Variants in HUWE1 observed in about 807,000 individuals in gnomAD.
HUWE1 encodes the protein HECT, UBA and WWE domain containing E3 ubiquitin protein ligase 1, also known as E3 ubiquitin-protein ligase HUWE1.
In HUWE1, 18 loss-of-function variants were observed where a neutral mutation model predicts 299.4. The observed-to-expected ratio is 0.06, with a 90% CI of 0.04 to 0.09. The LOEUF is 0.09. Among genes scored for constraint, HUWE1 ranks in the 10% least tolerant of loss-of-function variants. HUWE1 has a pLI of 1.00. For synonymous variants in HUWE1, 1,317 were observed against 1,286.1 expected, an observed-to-expected ratio of 1.02 and a Z score of -0.51; for missense variants, 1,832 against 3,462.3, an observed-to-expected ratio of 0.53 and a Z score of 11.82.
chrX:53,684,330 G>A (rs2070359876), intron 2 of HUWE1, among the ~76,000 whole-genome samples: 1 of 112,429 alleles, frequency 8.9e-6, no homozygotes, highest in Admixed American at 9.4e-5. Flanking sequence ...CTAAAAAGGA[G>A]AAAGGCGGAG....
chrX:53,539,393 G>A (rs1358145617), intron 75 of HUWE1, among the ~76,000 whole-genome samples: 2 of 107,363 alleles, frequency 1.9e-5, no homozygotes, highest in Non-Finnish European at 3.8e-5. Flanking sequence ...AGTCACAGAG[G>A]AACTTCCTTG....
chrX:53,538,017 G>A (rs1388336025), intron 77 of HUWE1, among the ~76,000 whole-genome samples: 1 of 111,688 alleles, frequency 9.0e-6, no homozygotes, highest in African/African-American at 3.3e-5. Flanking sequence ...GGAAGCCCCT[G>A]GAACCCTGCT....
chrX:53,653,877 G>A (rs2068620385), intron 4 of HUWE1, among the ~76,000 whole-genome samples, 186 bp downstream of exon 4: 2 of 111,701 alleles, frequency 1.8e-5, no homozygotes. Context: ...CTGGTCTCTT[G>A]GCTATCCATT....
chrX:53,550,527 C>T, intron 66 of HUWE1, 139 bp downstream of exon 66: 1 of 573,226 alleles, frequency 1.7e-6, no homozygotes, highest in African/African-American at 2.2e-5. Flanking sequence ...ATCTGGCTCT[C>T]TCACTTATTC....
chrX:53,571,380 G>A (rs1556951168), intron 47 of HUWE1, among the ~76,000 whole-genome samples: 1 of 112,217 alleles, frequency 8.9e-6, no homozygotes, highest in Non-Finnish European at 1.9e-5. Flanking sequence ...GGGAGGCTGA[G>A]GCGGGAGGAT....
At chrX:53,631,545 A>G (rs1557022769) in intron 10 of HUWE1, 22 bp downstream of exon 10, 1 of 1,186,863 alleles carries the variant, frequency 8.4e-7, no homozygotes, top group Non-Finnish European at 1.1e-6. Flanking sequence ...GAAACGAGCC[A>G]AGAGTCAAAG....
intron 42 of HUWE1, among the ~76,000 whole-genome samples, chrX:53,582,391 T>G (rs1451571472): frequency 8.9e-6 from 1 of 112,172 alleles, no homozygotes; most frequent in African/African-American, 3.2e-5. Context: ...TTGGCACATG[T>G]GAGGTGAAAT....
chrX:53,605,823 A>T (rs1330167722), intron 25 of HUWE1, among the ~76,000 whole-genome samples: 1 of 112,091 alleles, frequency 8.9e-6, no homozygotes, highest in Non-Finnish European at 1.9e-5. Flanking sequence ...ACAGACGTAA[A>T]GACCAATGGA....
At chrX:53,628,390 T>G (rs1187760753) in intron 15 of HUWE1, 103 bp downstream of exon 15, 32 of 869,103 alleles carry the variant, frequency 3.7e-5, no homozygotes, top group Non-Finnish European at 4.8e-5. Context: ...TAAGCTTTCT[T>G]ATATTATTTG....
intron 3 of HUWE1, among the ~76,000 whole-genome samples, chrX:53,661,766 A>G (rs147168241): frequency 6.1e-4 from 68 of 111,751 alleles, no homozygotes; most frequent in African/African-American, 2.0e-3. Context: ...ATCACCATCC[A>G]TATCTATTAC....
chrX:53,629,022 G>T, intron 13 of HUWE1, 120 bp from the exon 14 acceptor site: 1 of 589,347 alleles, frequency 1.7e-6, no homozygotes, highest in Non-Finnish European at 2.7e-6. Context: ...CTGCTTGAGG[G>T]GATGGAGGTC....
At position 53,593,406 on chromosome X, in the gene HUWE1, A is replaced by G. The variant is rs1220401769; in HGVS notation, c.3699T>C (p.Phe1233=). ...GGAAGCGCAGTGCACTGAACTGGGG[A>G]AAGTTCTGGACACCTCCAGGCAATT... ...PAKLPGGVQN[F]PQFSALRFLV... is the part of the protein sequence containing the mutation. The change falls in exon 32 of 84, where the codon TTT becomes TTC. Residue 1233 remains phenylalanine, a synonymous_variant. Transcript: ENST00000262854. The G allele has an allele frequency of 4.1e-6, 5 of 1,208,383 alleles. No homozygotes were observed. Among genetic ancestry groups the G allele is most frequent in the Non-Finnish European group, 4.5e-6 (4 of 893,662 alleles).
intron 7 of HUWE1, among the ~76,000 whole-genome samples, chrX:53,644,931 T>C (rs1480708203): frequency 2.7e-5 from 3 of 111,942 alleles, no homozygotes; most frequent in Non-Finnish European, 3.8e-5. Flanking sequence ...CTGAAGTAGA[T>C]ATGTTAAATT....
Position 53,641,118 on chromosome X carries a change from T to C in HUWE1, c.504+4193A>G, listed in dbSNP as rs139566099. 2.6e-3 allele frequency among the ~76,000 whole-genome samples: 293 copies of C among 111,793 alleles called. 1 individual carries two copies. Among genetic ancestry groups the C allele is most frequent in the Middle Eastern group, 0.014 (3 of 218 alleles). Reference sequence around the variant, plus strand: ...ATACGTTCCTAGGATTTATGTCAAGTGTGAAGAAAAGTTCTAAACACATTT... The same window carrying C: ...ATACGTTCCTAGGATTTATGTCAAGCGTGAAGAAAAGTTCTAAACACATTT... On this transcript the variant is annotated intron_variant, in intron 7 of 83. Transcript: ENST00000262854.
At chrX:53,672,243 G>C (rs999120995) in intron 3 of HUWE1, among the ~76,000 whole-genome samples, 4 of 108,661 alleles carry the variant, frequency 3.7e-5, no homozygotes, top group Non-Finnish European at 7.7e-5. Context: ...TAATGGTATT[G>C]TGGTTTTGTA....
Position 53,666,869 on chromosome X carries a change from T to A in HUWE1, c.-24-12738A>T, listed in dbSNP as rs1246486108. On this transcript the variant is annotated intron_variant, in intron 3 of 83. Transcript: ENST00000262854. The stretch of plus-strand genomic sequence containing the variant: ...GAACTGTCATTTATTAATAGCAGAT[T>A]AATAAATGAATAACTATCCAGTAAA... Among the ~76,000 whole-genome samples the A allele has an allele frequency of 5.4e-5, 6 of 111,887 alleles. No homozygotes were observed. In the Admixed American group the frequency reaches 5.7e-4, roughly 11 times the overall value.
chrX:53,573,590 G>T (rs1556954596), intron 47 of HUWE1, among the ~76,000 whole-genome samples, 160 bp downstream of exon 47: 1 of 112,646 alleles, frequency 8.9e-6, no homozygotes, highest in Admixed American at 9.3e-5. Context: ...TTACAGGCGT[G>T]AGCCACCGCA....
At chrX:53,682,507 TG>T (rs1557053803) in intron 2 of HUWE1, among the ~76,000 whole-genome samples, 1 of 109,298 alleles carries the variant, frequency 9.1e-6, no homozygotes, top group African/African-American at 3.4e-5. Flanking sequence ...AACGGTGGCA[TG>T]GGGGGAAGAG....
chrX:53,612,088 T>A (rs782502387), intron 23 of HUWE1, among the ~76,000 whole-genome samples: 2 of 111,402 alleles, frequency 1.8e-5, no homozygotes, highest in African/African-American at 3.3e-5. Context: ...CCTATAACAA[T>A]TGCCTGGGAT....
Sources: allele counts gnomAD v4.1 joint callset (sites outside exome capture counted in the v4.1 genomes callset), GRCh38; gene constraint gnomAD v4.1.1; transcripts MANE v1.5; gene names NCBI Gene and HGNC (gene_info 2026-07-23, HGNC 2026-07-21).